Variants in SGCD observed in about 807,000 individuals in gnomAD.
SGCD encodes the protein sarcoglycan delta.
Under a neutral mutation model 36.6 loss-of-function variants are expected in SGCD, and 18 were observed. That is an observed-to-expected ratio of 0.49 (90% CI 0.34 to 0.73). The LOEUF (loss-of-function observed/expected upper bound fraction) is 0.73. Among genes scored for constraint, SGCD ranks in the 30% least tolerant of loss-of-function variants. The pLI, the probability that SGCD is intolerant of heterozygous loss-of-function variation, is 0.01. For missense variants in SGCD, 387 were observed against 346.7 expected, an observed-to-expected ratio of 1.12 and a Z score of -0.92; for synonymous variants, 133 against 130.6, an observed-to-expected ratio of 1.02 and a Z score of -0.12.
the SGCD span, among the ~76,000 whole-genome samples, chr5:155,736,342 G>A: frequency 1.3e-5 from 2 of 152,118 alleles, no homozygotes; most frequent in Non-Finnish European, 2.9e-5. Context: ...AAGGAAAGAA[G>A]GCCCAGATTA....
chr5:156,719,824 CTT>C (rs76672672), intron 7 of SGCD, among the ~76,000 whole-genome samples: 37 of 138,590 alleles, frequency 2.7e-4, no homozygotes, highest in Non-Finnish European at 3.3e-4. Flanking sequence ...GTCAAAGAAA[CTT>C]TTTTTTTTTT....
Position 156,154,140 on chromosome 5 carries a change from T to C in SGCD, c.-44+30121T>C, listed in dbSNP as rs116336694. 4.3e-3 allele frequency among the ~76,000 whole-genome samples: 652 copies of C among 151,754 alleles called. 23 individuals are homozygous for C. Among genetic ancestry groups the C allele is most frequent in the African/African-American group, 0.015 (629 of 41,048 alleles). On this transcript the variant is annotated intron_variant, in intron 3 of 9. Coordinates refer to the SGCD transcript ENST00000517913. Reference sequence around the variant, plus strand: ...TAATTTGGAATCCTCACTTCATGGGTCCGAGACTCAAAGCTGTCCAGTAAC... The same window carrying C: ...TAATTTGGAATCCTCACTTCATGGGCCCGAGACTCAAAGCTGTCCAGTAAC...
the SGCD span, among the ~76,000 whole-genome samples, chr5:155,817,683 C>T: frequency 6.6e-6 from 1 of 152,064 alleles, no homozygotes; most frequent in Non-Finnish European, 1.5e-5. Context: ...AAAATATTCA[C>T]TCAAGAACAA....
chr5:156,270,444 T>G (rs912644769), intron 3 of SGCD, among the ~76,000 whole-genome samples: 3 of 152,216 alleles, frequency 2.0e-5, no homozygotes, highest in Non-Finnish European at 4.4e-5. Flanking sequence ...CAATCTATGT[T>G]TAAGCAATAC....
intron 3 of SGCD, among the ~76,000 whole-genome samples, chr5:156,224,706 C>A (rs1172795822): frequency 6.6e-6 from 1 of 152,136 alleles, no homozygotes; most frequent in Non-Finnish European, 1.5e-5. Flanking sequence ...TCATACCCAG[C>A]AAACAAGGAT....
chr5:156,458,793 A>AGTT (rs1361284576), intron 3 of SGCD, among the ~76,000 whole-genome samples: 1 of 152,228 alleles, frequency 6.6e-6, no homozygotes, highest in Non-Finnish European at 1.5e-5. Flanking sequence ...CATGATGAGA[A>AGTT]TCACATGGGA....
intron 1 of SGCD, among the ~76,000 whole-genome samples, chr5:155,986,261 A>G (rs1160287917): frequency 6.6e-6 from 1 of 152,214 alleles, no homozygotes; most frequent in African/African-American, 2.4e-5. Context: ...GGTTGGTATC[A>G]GAAATCTTTT....
At chr5:156,005,636 G>T (rs1036211864) in intron 1 of SGCD, among the ~76,000 whole-genome samples, 2 of 152,150 alleles carry the variant, frequency 1.3e-5, no homozygotes, top group Admixed American at 6.5e-5. Flanking sequence ...ATTTTTAGTA[G>T]AAATGGGGTT....
intron 7 of SGCD, among the ~76,000 whole-genome samples, chr5:156,703,231 A>G (rs915921923): frequency 1.3e-5 from 2 of 152,046 alleles, no homozygotes; most frequent in East Asian, 3.8e-4. Context: ...GAAATCTTAG[A>G]TTCTTCACAG....
intron 4 of SGCD, among the ~76,000 whole-genome samples, chr5:156,557,915 C>T (rs974026565): frequency 3.3e-5 from 5 of 151,432 alleles, no homozygotes; most frequent in South Asian, 2.1e-4. Flanking sequence ...AAAATTCTCA[C>T]GTTATATCCT....
At chr5:155,831,668 A>G in the SGCD span, among the ~76,000 whole-genome samples, 1 of 152,334 alleles carries the variant, frequency 6.6e-6, no homozygotes, top group African/African-American at 2.4e-5. Flanking sequence ...CCCGTCACAA[A>G]TCCCCACTTG....
At chr5:156,100,600 A>G (rs1215294251) in intron 1 of SGCD, among the ~76,000 whole-genome samples, 18 of 152,178 alleles carry the variant, frequency 1.2e-4, no homozygotes. Context: ...ACTTTTCCCT[A>G]TTGCAGTAGT....
chr5:156,727,250 C>A (rs1755823956), intron 7 of SGCD, among the ~76,000 whole-genome samples: 1 of 152,104 alleles, frequency 6.6e-6, no homozygotes, highest in Non-Finnish European at 1.5e-5. Context: ...AGGATTCTTG[C>A]AGAGAAAGAC....
chr5:155,929,412 A>G (rs1412126681), intron 1 of SGCD, among the ~76,000 whole-genome samples: 5 of 152,178 alleles, frequency 3.3e-5, no homozygotes, highest in Non-Finnish European at 4.4e-5. Context: ...CTCCCATATT[A>G]TTTCTCACAG....
At chr5:156,146,882 T>C (rs1430574815) in intron 3 of SGCD, among the ~76,000 whole-genome samples, 1 of 152,218 alleles carries the variant, frequency 6.6e-6, no homozygotes, top group Non-Finnish European at 1.5e-5. Flanking sequence ...ATGTGTAATA[T>C]TTTGGGGAAA....
At chr5:156,540,309 T>A (rs917582275) in intron 4 of SGCD, among the ~76,000 whole-genome samples, 2 of 152,064 alleles carry the variant, frequency 1.3e-5, no homozygotes, top group Non-Finnish European at 2.9e-5. Context: ...TGTCACTTAT[T>A]TTTTTTAGGA....
the SGCD span, among the ~76,000 whole-genome samples, chr5:155,796,642 A>C: frequency 1.3e-3 from 198 of 151,886 alleles, no homozygotes; most frequent in African/African-American, 4.6e-3. Flanking sequence ...CGTCTCTATT[A>C]AAAATACAAA....
At chr5:156,597,693 C>T (rs1188363734) in intron 6 of SGCD, among the ~76,000 whole-genome samples, 1 of 152,162 alleles carries the variant, frequency 6.6e-6, no homozygotes, top group Non-Finnish European at 1.5e-5. Flanking sequence ...TTCTTTTCCC[C>T]CTCTGTGTCC....
chr5:155,835,002 A>ATTTTTTTTTTTTTTTATTT, the SGCD span, among the ~76,000 whole-genome samples: 1 of 60,184 alleles, frequency 1.7e-5, no homozygotes, highest in Non-Finnish European at 3.1e-5. Context: ...TGCCCAGCTA[A>ATTTTTTTTTTTTTTTATTT]TTTTTTTTTT....
Sources: gnomAD v4.1 joint callset for allele counts (sites outside exome capture counted in the v4.1 genomes callset) on GRCh38, gnomAD v4.1.1 for gene constraint, MANE v1.5 for transcripts, NCBI Gene and HGNC (gene_info 2026-07-23, HGNC 2026-07-21) for gene names.